ARPC4: variants seen among roughly 807,000 people sequenced by gnomAD.
The protein encoded by ARPC4 is actin related protein 2/3 complex subunit 4, also known as actin-related protein 2/3 complex subunit 4.
ARPC4 carries 3 observed loss-of-function variants against 22.8 expected under a neutral mutation model. The ratio of observed to expected loss-of-function variants is 0.13; its 90% CI spans 0.06 to 0.34. ARPC4 has a LOEUF of 0.34. Among genes scored for constraint, ARPC4 ranks in the 10% least tolerant of loss-of-function variants. The pLI is 1.00. For synonymous variants in ARPC4, 80 were observed against 72.5 expected, an observed-to-expected ratio of 1.10 and a Z score of -0.52; for missense variants, 98 against 211.0, an observed-to-expected ratio of 0.46 and a Z score of 3.32.
chr3:9,797,888 G>C, intron 2 of ARPC4, 111 bp downstream of exon 2: 1 of 1,152,254 alleles, frequency 8.7e-7, no homozygotes, highest in Non-Finnish European at 1.2e-6. Context: ...AGCTGCAGTT[G>C]ACATTTTGTC....
At chr3:9,800,114 G>A in intron 2 of ARPC4, 71 bp from the exon 3 acceptor site, 1 of 1,498,582 alleles carries the variant, frequency 6.7e-7, no homozygotes, top group South Asian at 1.2e-5. Context: ...GTGATTCCAG[G>A]ACCTGCGTGG....
rs529226259 is a variant in ARPC4, at chr3:9,797,835, G to C, written c.122+58G>C. 9.2e-6 allele frequency: 14 copies of C among 1,529,366 alleles called. No homozygotes were observed. In the African/African-American group the frequency reaches 9.5e-5, roughly 10 times the overall value. 94.7% of individuals were successfully genotyped at this position (1,529,366 alleles called of 1,614,324 possible). On this transcript the variant is annotated intron_variant, in intron 2 of 5. Transcript: ENST00000397261. ...GGTGCAGCACACAGAGATGGCTGCTGTCTAGAAGGTGCCATGAACTTATGT... is the reference window on the plus strand; with the variant it reads ...GGTGCAGCACACAGAGATGGCTGCTCTCTAGAAGGTGCCATGAACTTATGT...
intron 1 of ARPC4, 47 bp from the exon 2 acceptor site, chr3:9,797,612 G>C (rs769735693): frequency 1.3e-6 from 2 of 1,590,600 alleles, no homozygotes; most frequent in Admixed American, 1.7e-5. Context: ...GGTGGGTTTG[G>C]CGTGACAGAT....
chr3:9,796,696 C>T (rs931232332), intron 1 of ARPC4, among the ~76,000 whole-genome samples: 31 of 152,176 alleles, frequency 2.0e-4, no homozygotes, highest in African/African-American at 7.0e-4. Context: ...AAACCCAGCA[C>T]TTTGGGAGGC....
chr3:9,800,946 C>T (rs1367873718), intron 3 of ARPC4, among the ~76,000 whole-genome samples: 2 of 152,108 alleles, frequency 1.3e-5, no homozygotes, highest in African/African-American at 2.4e-5. Context: ...CACAGTGGCT[C>T]ATGCCTGTAA....
chr3:9,798,878 TAAAATAAAA>T (rs2078951627), intron 2 of ARPC4, among the ~76,000 whole-genome samples: 1 of 4,372 alleles, frequency 2.3e-4, no homozygotes. Context: ...GTCTCAAAAA[TAAAATAAAA>T]TAAAATAAAA....
chr3:9,803,231 C>A (rs941104904), intron 4 of ARPC4, among the ~76,000 whole-genome samples: 6 of 152,202 alleles, frequency 3.9e-5, no homozygotes, highest in Non-Finnish European at 5.9e-5. Flanking sequence ...TCAGTTGTTG[C>A]CTGAATTTGT....
chr3:9,801,214 A>AT (rs2079002412), intron 3 of ARPC4, among the ~76,000 whole-genome samples: 1 of 131,196 alleles, frequency 7.6e-6, no homozygotes, highest in South Asian at 2.2e-4. Flanking sequence ...CCATCTCAGA[A>AT]AAAAAAAAAA....
rs1575338988 is a variant in ARPC4 at position 9,806,585 on chromosome 3, A to T, written c.*370A>T. On this transcript the variant is annotated 3_prime_UTR_variant, in exon 6 of 6. Transcript: ENST00000397261. ...TGACTGGTCCCAGTGATTATACGTT[A>T]TTGGTTGCTGTGGGTCTGGGCGGGC... 2 of 255,430 alleles carry T rather than the reference A, an allele frequency of 7.8e-6. No individual in the cohort carries two copies. Among genetic ancestry groups the T allele is most frequent in the Non-Finnish European group, 1.4e-5 (2 of 143,638 alleles). The allele number at this position is 255,430 out of a possible 1,614,324, so 15.8% of individuals were successfully genotyped here.
chr3:9,795,004 TTTTC>T (rs2078851904), intron 1 of ARPC4, among the ~76,000 whole-genome samples: 1 of 152,028 alleles, frequency 6.6e-6, no homozygotes, highest in East Asian at 1.9e-4. Flanking sequence ...TGGAAGTGGT[TTTTC>T]TTTTTCTTTT....
intron 1 of ARPC4, among the ~76,000 whole-genome samples, chr3:9,797,187 C>T (rs1298352147): frequency 1.3e-5 from 2 of 152,164 alleles, no homozygotes; most frequent in Non-Finnish European, 2.9e-5. Flanking sequence ...TACACCTATA[C>T]ATTTGTTGGC....
chr3:9,794,815 C>T (rs944059625), intron 1 of ARPC4, among the ~76,000 whole-genome samples: 1 of 152,086 alleles, frequency 6.6e-6, no homozygotes, highest in Non-Finnish European at 1.5e-5. Flanking sequence ...ACTGATTTTT[C>T]CCCCCTGTAG....
rs1384437608 is a variant in ARPC4, at chr3:9,799,407, C to T, written c.123-778C>T. On this transcript the variant is annotated intron_variant, in intron 2 of 5. Coordinates refer to ENST00000397261, the MANE Select transcript of ARPC4 (RefSeq NM_005718.5). ...AAATCCAAAATGCTCCAATGAGGAT[C>T]TCCTTTGAGCATCTTGTCAGCACTC... Among the ~76,000 whole-genome samples, 7 of 151,806 alleles carry T rather than the reference C, an allele frequency of 4.6e-5. No homozygotes were observed. In the South Asian group the frequency reaches 1.5e-3, roughly 32 times the overall value.
At chr3:9,800,944 C>G (rs373846269) in intron 3 of ARPC4, among the ~76,000 whole-genome samples, 64 of 152,090 alleles carry the variant, frequency 4.2e-4, no homozygotes, top group Non-Finnish European at 7.8e-4. Flanking sequence ...GGCACAGTGG[C>G]TCATGCCTGT....
At chr3:9,794,146 T>C (rs998364077) in intron 1 of ARPC4, among the ~76,000 whole-genome samples, 1 of 152,156 alleles carries the variant, frequency 6.6e-6, no homozygotes, top group Non-Finnish European at 1.5e-5. Flanking sequence ...TACATCTGTT[T>C]TATTCATGAA....
At chr3:9,803,779 T>C in intron 4 of ARPC4, 64 bp from the exon 5 acceptor site, 1 of 1,531,478 alleles carries the variant, frequency 6.5e-7, no homozygotes. Flanking sequence ...CCAGCTCAGT[T>C]CCCATGGGGT....
intron 4 of ARPC4, chr3:9,803,564 T>A: frequency 3.4e-6 from 2 of 586,246 alleles, no homozygotes; most frequent in Middle Eastern, 2.7e-4. Flanking sequence ...TTCAAGTTCC[T>A]TGACTCATTC....
chr3:9,793,185 G>C, intron 1 of ARPC4, 61 bp downstream of exon 1: 1 of 1,519,452 alleles, frequency 6.6e-7, no homozygotes, highest in South Asian at 1.2e-5. Flanking sequence ...GCAGTGGGTC[G>C]GTGGGAGATG....
chr3:9,792,982 G>C, upstream of ARPC4: 1 of 1,440,838 alleles, frequency 6.9e-7, no homozygotes, highest in Non-Finnish European at 9.1e-7. Flanking sequence ...GTTCGTAAGG[G>C]CTCTCTACCC....
Sources: allele counts gnomAD v4.1 joint callset (sites outside exome capture counted in the v4.1 genomes callset), GRCh38; gene constraint gnomAD v4.1.1; transcripts MANE v1.5; gene names NCBI Gene and HGNC (gene_info 2026-07-23, HGNC 2026-07-21).